NFKBIA: variants seen among roughly 807,000 people sequenced by gnomAD.
NFKBIA encodes the protein NFKB inhibitor alpha, also known as NF-kappa-B inhibitor alpha.
Under a neutral mutation model 36.3 loss-of-function variants are expected in NFKBIA, and 10 were observed. That is an observed-to-expected ratio of 0.28 (90% confidence interval 0.17 to 0.47). NFKBIA has a LOEUF of 0.47. Ranked by LOEUF, NFKBIA falls within the 20% of genes least tolerant of loss-of-function variation. The probability of loss-of-function intolerance (pLI) is 0.99; values close to 1 mark genes in which losing one functional copy is unlikely to be tolerated. For synonymous variants in NFKBIA, 205 were observed against 164.4 expected, an observed-to-expected ratio of 1.25 and a Z score of -1.89; for missense variants, 355 against 399.3, an observed-to-expected ratio of 0.89 and a Z score of 0.94.
chr14:35,403,160 G>A lies in NFKBIA; in HGVS notation c.537C>T (p.Thr179=). The A allele has an allele frequency of 1.2e-6, 2 of 1,611,466 alleles. No individual in the cohort carries two copies. Among genetic ancestry groups the A allele is most frequent in the East Asian group, 2.2e-5 (1 of 44,862 alleles). ...GGGAGGCAGACATACCATTGTAGTT[G>A]GTAGCCTTCAGGATGGAGTGGAGGT... The part of the protein sequence containing the change: ...TPHLHSILKA[T]NYNGHTCLHL... Residue 179 remains threonine (T), a synonymous_variant, in exon 3 of 6, where the codon ACC becomes ACT. Coordinates refer to ENST00000216797, the MANE Select transcript of NFKBIA (RefSeq NM_020529.3).
intron 5 of NFKBIA, 106 bp downstream of exon 5, chr14:35,402,288 C>T (rs1262379836): frequency 2.9e-6 from 4 of 1,393,624 alleles, no homozygotes; most frequent in Non-Finnish European, 4.1e-6. Flanking sequence ...ATTTGAGAGA[C>T]TCATTATGTA....
rs996526560 is a variant in NFKBIA, at chr14:35,402,833, T to G, written c.574A>C (p.Ile192Leu). Reference sequence around the variant, plus strand: ...TCCACGATGCCCAGGTAGCCATGGATAGAGGCTAAGTGTAGACACGTGTGG... The same window carrying G: ...TCCACGATGCCCAGGTAGCCATGGAGAGAGGCTAAGTGTAGACACGTGTGG... The part of the protein sequence containing the change: ...NGHTCLHLAS[I>L]HGYLGIVELL... Residue 192 changes from isoleucine to leucine, a missense_variant, in exon 4 of 6, where the codon ATC becomes CTC. Physicochemically the swap from Ile to Leu is conservative, Grantham distance 5. Transcript: ENST00000216797. The G allele has an allele frequency of 1.2e-6, 2 of 1,614,184 alleles. No homozygotes were observed. Among genetic ancestry groups the G allele is most frequent in the South Asian group, 2.2e-5 (2 of 91,090 alleles).
At position 35,403,161 on chromosome 14, in the gene NFKBIA, G is replaced by C; in HGVS notation, c.536C>G (p.Thr179Ser). ...GGAGGCAGACATACCATTGTAGTTGGTAGCCTTCAGGATGGAGTGGAGGTG... is the reference window on the plus strand; with the variant it reads ...GGAGGCAGACATACCATTGTAGTTGCTAGCCTTCAGGATGGAGTGGAGGTG... ...TPHLHSILKA[T>S]NYNGHTCLHL... Residue 179 changes from threonine (T) to serine (S), a missense_variant, in exon 3 of 6, where the codon ACC becomes AGC. Transcript: ENST00000216797. The C allele has an allele frequency of 6.2e-7, 1 of 1,611,528 alleles. No individual in the cohort carries two copies. The highest frequency in any genetic ancestry group is 1.1e-5 in the South Asian group (1 of 90,980).
chr14:35,402,692 A>G (rs568065468), intron 4 of NFKBIA, 29 bp from the exon 5 acceptor site: 1 of 1,614,214 alleles, frequency 6.2e-7, no homozygotes, highest in South Asian at 1.1e-5. Flanking sequence ...TGAGATGCTT[A>G]TGGCTGCATT....
At position 35,403,373 on chromosome 14, in the gene NFKBIA, G is replaced by A; in HGVS notation, c.337-13C>T. On this transcript the variant is annotated splice_polypyrimidine_tract_variant and intron_variant, in intron 2 of 5. Transcript: ENST00000216797. ...AGTGGAGTGGAGTCTACGAATGCAA[G>A]AGAGACCAGAGAAAGTAAGCCATGG... 6.2e-7 allele frequency: 1 copy of A among 1,613,626 alleles called. No individual in the cohort carries two copies. The highest frequency in any genetic ancestry group is 8.5e-7 in the Non-Finnish European group (1 of 1,179,866).
intron 1 of NFKBIA, chr14:35,404,109 A>C: frequency 2.5e-6 from 1 of 404,804 alleles, no homozygotes; most frequent in Non-Finnish European, 4.5e-6. Flanking sequence ...GCCTTATGCA[A>C]CCGGGGACTT....
rs1306738260 is a variant in NFKBIA, at chr14:35,403,190, G to A, written c.507C>T (p.Thr169=). The A allele has an allele frequency of 1.9e-6, 3 of 1,612,322 alleles. No homozygotes were observed. The highest frequency in any genetic ancestry group is 2.5e-6 in the Non-Finnish European group (3 of 1,179,956). Reference sequence around the variant, plus strand: ...CCTTCAGGATGGAGTGGAGGTGCGGGGTGGTGCAGGACTGAGTCAGGACTC... The same window carrying A: ...CCTTCAGGATGGAGTGGAGGTGCGGAGTGGTGCAGGACTGAGTCAGGACTC... ...SVGVLTQSCT[T]PHLHSILKAT... is the part of the protein sequence containing the mutation. Residue 169 remains threonine (T), a synonymous_variant, in exon 3 of 6, where the codon ACC becomes ACT. Coordinates refer to ENST00000216797, the MANE Select transcript of NFKBIA (RefSeq NM_020529.3).
Position 35,404,509 on chromosome 14 carries a change from C to T in NFKBIA, c.136G>A (p.Val46Ile), listed in dbSNP as rs1334636790. 6.2e-7 allele frequency: 1 copy of T among 1,604,540 alleles called. No homozygotes were observed. Among genetic ancestry groups the T allele is most frequent in the Middle Eastern group, 1.7e-4 (1 of 6,044 alleles). Residue 46 changes from valine (V) to isoleucine (I), a missense_variant, in exon 1 of 6, where the codon GTC (valine) becomes ATC (isoleucine). Transcript: ENST00000216797. ...AGGCGGATCTCCTGCAGCTCCTTGA[C>T]CATCTGCTCGTACTCCTCGTCTTTC... is the stretch of plus-strand genomic sequence containing the variant. ...SMKDEEYEQM[V>I]KELQEIRLEP...
At chr14:35,403,557 T>C (rs181507196) in intron 2 of NFKBIA, 133 bp downstream of exon 2, 2 of 868,030 alleles carry the variant, frequency 2.3e-6, no homozygotes, top group Non-Finnish European at 1.9e-6. Context: ...CTCTAGGATG[T>C]GGGCTGATGT....
Position 35,403,277 on chromosome 14 carries a change from T to C in NFKBIA, c.420A>G (p.Arg140=). ...LLGAGCDPEL[R]DFRGNTPLHL... is the part of the protein sequence containing the mutation. ...GTAGGGGGGTATTTCCTCGAAAGTCTCGGAGCTCAGGATCACAGCCAGCTC... is the reference window on the plus strand; with the variant it reads ...GTAGGGGGGTATTTCCTCGAAAGTCCCGGAGCTCAGGATCACAGCCAGCTC... The change falls in exon 3 of 6, where the codon CGA becomes CGG. Residue 140 remains arginine (R), a synonymous_variant. Coordinates refer to ENST00000216797, the MANE Select transcript of NFKBIA (RefSeq NM_020529.3). 1.2e-6 allele frequency: 2 copies of C among 1,613,872 alleles called. No individual in the cohort carries two copies. The highest frequency in any genetic ancestry group is 1.3e-5 in the African/African-American group (1 of 74,998).
chr14:35,403,658 CAG>C (rs770394424), intron 2 of NFKBIA, 30 bp downstream of exon 2: 4 of 1,510,630 alleles, frequency 2.6e-6, no homozygotes, highest in Non-Finnish European at 3.7e-6. Context: ...GTCCCAGGGT[CAG>C]AGAGAACCCG....
In NFKBIA at chr14:35,403,579, T is replaced by C. The variant is rs1003457252; in HGVS notation, c.336+111A>G. On this transcript the variant is annotated intron_variant, in intron 2 of 5. Coordinates refer to ENST00000216797, the MANE Select transcript of NFKBIA (RefSeq NM_020529.3). Reference sequence around the variant, plus strand: ...ATGTGGGCTGATGTGAAGTAAAAGGTGAGGGTAAATAGTGCTCAGTGGCCC... The same window carrying C: ...ATGTGGGCTGATGTGAAGTAAAAGGCGAGGGTAAATAGTGCTCAGTGGCCC... 28 of 891,712 alleles carry C rather than the reference T, an allele frequency of 3.1e-5. No individual in the cohort carries two copies. The Admixed American group carries it at 4.4e-4, about 14-fold the overall frequency. 55.2% of individuals were successfully genotyped at this position (891,712 alleles called of 1,614,324 possible).
chr14:35,403,053 T>A (rs1479591999), intron 3 of NFKBIA, 97 bp downstream of exon 3: 1 of 1,418,738 alleles, frequency 7.0e-7, no homozygotes, highest in East Asian at 2.3e-5. Context: ...GTTAGGAGTT[T>A]AAGCTCTTGC....
chr14:35,403,049 A>C, intron 3 of NFKBIA, 101 bp downstream of exon 3: 4 of 1,388,438 alleles, frequency 2.9e-6, no homozygotes, highest in Non-Finnish European at 4.0e-6. Context: ...AAATGTTAGG[A>C]GTTTAAGCTC....
In NFKBIA at chr14:35,404,664, C is replaced by CGCTGCTGCGGGT. The variant is rs991339322; in HGVS notation, c.-32_-21dup. The CGCTGCTGCGGGT allele has an allele frequency of 6.2e-6, 9 of 1,452,582 alleles. No individual in the cohort carries two copies. The Admixed American group carries it at 7.4e-5, about 12-fold the overall frequency. The allele number at this position is 1,452,582 out of a possible 1,614,324, so 90.0% of individuals were successfully genotyped here. A position where few individuals can be genotyped will look rare whatever the true frequency, so the allele number is the denominator to read the frequency against. ...GAACATGGCGCGGACGAGCTGCGGG[C>CGCTGCTGCGGGT]GCTGCTGCGGGTGCGCTGGGCCGCG... On this transcript the variant is annotated 5_prime_UTR_variant, in exon 1 of 6. Coordinates refer to ENST00000216797, the MANE Select transcript of NFKBIA (RefSeq NM_020529.3).
rs574509775 is a variant in NFKBIA, at chr14:35,403,360, T to C, written c.337A>G (p.Thr113Ala). The change falls in exon 3 of 6, where the codon ACT becomes GCT. Residue 113 changes from threonine to alanine, a missense_variant and splice_region_variant. Physicochemically the swap from Thr to Ala is moderately conservative, Grantham distance 58 (BLOSUM62 0). Transcript: ENST00000216797. ...FLNFQNNLQQTPLHLAVITNQ... is the reference protein window; with the variant it reads ...FLNFQNNLQQAPLHLAVITNQ... Reference sequence around the variant, plus strand: ...GTGATCACAGCCAAGTGGAGTGGAGTCTACGAATGCAAGAGAGACCAGAGA... The same window carrying C: ...GTGATCACAGCCAAGTGGAGTGGAGCCTACGAATGCAAGAGAGACCAGAGA... 6 of 1,613,190 alleles carry C rather than the reference T, an allele frequency of 3.7e-6. No individual in the cohort carries two copies. Among genetic ancestry groups the C allele is most frequent in the African/African-American group, 1.3e-5 (1 of 74,766 alleles).
Position 35,404,646 on chromosome 14 carries a change from G to A in NFKBIA, c.-2C>T. ...GGGGCGCTCGGCCGCCTGGAACATGGCGCGGACGAGCTGCGGGCGCTGCTG... is the reference window on the plus strand; with the variant it reads ...GGGGCGCTCGGCCGCCTGGAACATGACGCGGACGAGCTGCGGGCGCTGCTG... On this transcript the variant is annotated 5_prime_UTR_variant, in exon 1 of 6. Transcript: ENST00000216797. 6.7e-7 allele frequency: 1 copy of A among 1,484,458 alleles called. No homozygotes were observed. Among genetic ancestry groups the A allele is most frequent in the Non-Finnish European group, 9.0e-7 (1 of 1,114,890 alleles). The allele number at this position is 1,484,458 out of a possible 1,614,324, so 92.0% of individuals were successfully genotyped here. A position where few individuals can be genotyped will look rare whatever the true frequency, so the allele number is the denominator to read the frequency against.
Position 35,402,751 on chromosome 14 carries a change from C to T in NFKBIA, c.636+20G>A, listed in dbSNP as rs368603759. 88 of 1,613,790 alleles carry T rather than the reference C, an allele frequency of 5.5e-5. No homozygotes were observed. The highest frequency in any genetic ancestry group is 4.4e-4 in the African/African-American group (33 of 74,916). ...GCACGAGGAGCCTGACTCAGTGCGTCGGGGGCAGGAAGCACCAACCTGAGC... is the reference window on the plus strand; with the variant it reads ...GCACGAGGAGCCTGACTCAGTGCGTTGGGGGCAGGAAGCACCAACCTGAGC... On this transcript the variant is annotated intron_variant, in intron 4 of 5. Transcript: ENST00000216797.
In NFKBIA at chr14:35,403,742, C is replaced by T. The variant is rs1340746414; in HGVS notation, c.284G>A (p.Arg95His). The T allele has an allele frequency of 1.2e-6, 2 of 1,614,022 alleles. No homozygotes were observed. Among genetic ancestry groups the T allele is most frequent in the Non-Finnish European group, 1.7e-6 (2 of 1,179,982 alleles). ...EEKALTMEVI[R>H]QVKGDLAFLN... ...GAAGGCCAGGTCTCCCTTCACCTGG[C>T]GGATCACTTCCATGGTCAGTGCCTT... The change falls in exon 2 of 6, where the codon CGC becomes CAC. Residue 95 changes from arginine (R) to histidine (H), a missense_variant. By Grantham distance (29) the Arg-to-His change is conservative. Transcript: ENST00000216797.
Sources: allele counts gnomAD v4.1 joint callset, GRCh38; gene constraint gnomAD v4.1.1; transcripts MANE v1.5; gene names NCBI Gene and HGNC (gene_info 2026-07-23, HGNC 2026-07-21).